CUL2: variants seen among roughly 807,000 people sequenced by gnomAD.
CUL2 encodes the protein cullin 2, also known as cullin-2.
In CUL2, 22 loss-of-function variants were observed where a neutral mutation model predicts 110.2. The observed-to-expected ratio is 0.20, with a 90% CI of 0.14 to 0.28. The LOEUF (loss-of-function observed/expected upper bound fraction) is 0.28. Among genes scored for constraint, CUL2 ranks in the 10% least tolerant of loss-of-function variants. The pLI is 1.00. For missense variants in CUL2, 631 were observed against 905.5 expected (o/e 0.70, Z 3.89); for synonymous variants, 279 against 293.2 (o/e 0.95, Z 0.49).
intron 17 of CUL2, among the ~76,000 whole-genome samples, chr10:35,024,284 G>C (rs2134682966): frequency 6.6e-6 from 1 of 152,180 alleles, no homozygotes; most frequent in Middle Eastern, 3.4e-3. Context: ...CTAATACAAT[G>C]AGCCATCACG....
intron 2 of CUL2, among the ~76,000 whole-genome samples, chr10:35,100,318 G>A (rs1019455843): frequency 2.0e-5 from 3 of 151,968 alleles, no homozygotes; most frequent in African/African-American, 7.3e-5. Flanking sequence ...AAATCTGCTG[G>A]GCCTTTTATA....
At chr10:35,074,245 T>C in intron 1 of CUL2, 1 of 1,531,274 alleles carries the variant, frequency 6.5e-7, no homozygotes, top group Non-Finnish European at 8.7e-7. Context: ...AAGTTTGTTG[T>C]TTCCTTCTAC....
At chr10:35,027,606 AG>A (rs2085368789) in intron 16 of CUL2, among the ~76,000 whole-genome samples, 2 of 152,304 alleles carry the variant, frequency 1.3e-5, no homozygotes, top group African/African-American at 4.8e-5. Context: ...AATTCTTGAT[AG>A]TTATATTTAA....
chr10:35,037,697 G>A (rs1463633041), intron 9 of CUL2, among the ~76,000 whole-genome samples: 1 of 152,052 alleles, frequency 6.6e-6, no homozygotes, highest in East Asian at 1.9e-4. Context: ...ACAAAAATTA[G>A]CCAGGTGTGG....
chr10:35,032,396 C>T (rs1023359402), intron 12 of CUL2, 39 bp downstream of exon 12: 18 of 1,539,362 alleles, frequency 1.2e-5, no homozygotes, highest in Non-Finnish European at 1.5e-5. Context: ...CTAATACTGA[C>T]TTTTCATAAG....
chr10:35,021,442 TAC>T (rs113171877), intron 17 of CUL2, among the ~76,000 whole-genome samples: 18 of 149,718 alleles, frequency 1.2e-4, no homozygotes, highest in African/African-American at 3.2e-4. Flanking sequence ...TGTATATATA[TAC>T]ACACACACAC....
chr10:35,076,995 T>C (rs1202311997), intron 1 of CUL2, among the ~76,000 whole-genome samples: 1 of 152,050 alleles, frequency 6.6e-6, no homozygotes, highest in Non-Finnish European at 1.5e-5. Context: ...GAGCTTGCAA[T>C]GAGCCGAGAT....
chr10:35,102,745 C>T (rs967959765), intron 1 of CUL2, among the ~76,000 whole-genome samples: 7 of 150,646 alleles, frequency 4.6e-5, no homozygotes, highest in African/African-American at 1.7e-4. Context: ...TAGCCGGGTG[C>T]AGTGGCAGGC....
At chr10:35,080,469 A>G (rs2086920525) in intron 1 of CUL2, among the ~76,000 whole-genome samples, 1 of 145,636 alleles carries the variant, frequency 6.9e-6, no homozygotes, top group African/African-American at 2.7e-5. Context: ...TTATTTATTT[A>G]TTTATTTATT....
rs568801813 is a variant in CUL2 at position 35,011,916 on chromosome 10, G to C, written c.2038C>G (p.Leu680Val). ...ATGATACGAACTATAGCAGCTTGGA[G>C]ATACATTTTCCGGTCCTCATCAACT... ...SAVDEDRKMY[L>V]QAAIVRIMKA... is the part of the protein sequence containing the mutation. Residue 680 changes from leucine to valine, a missense_variant, in exon 20 of 21, where the codon CTC becomes GTC. By Grantham distance (32) the Leu-to-Val change is conservative. Around this residue, in one of 3 missense-constraint regions of CUL2, gnomAD observed 159 missense variants for 202.7 expected, o/e 0.78. Coordinates refer to ENST00000374749, the MANE Select transcript of CUL2 (RefSeq NM_003591.4). 1.2e-6 allele frequency: 2 copies of C among 1,613,648 alleles called. No homozygotes were observed. Among genetic ancestry groups the C allele is most frequent in the South Asian group, 1.1e-5 (1 of 91,060 alleles).
At chr10:35,015,680 T>C (rs1227302831) in intron 18 of CUL2, among the ~76,000 whole-genome samples, 1 of 152,230 alleles carries the variant, frequency 6.6e-6, no homozygotes, top group Non-Finnish European at 1.5e-5. Flanking sequence ...AATATACTAA[T>C]GGCTTGTTAT....
chr10:35,073,633 C>T (rs552682084), intron 1 of CUL2, among the ~76,000 whole-genome samples: 175 of 143,970 alleles, frequency 1.2e-3, no homozygotes, highest in Non-Finnish European at 1.9e-3. Flanking sequence ...GATGGAGTCT[C>T]GCTGTTGTCA....
intron 1 of CUL2, among the ~76,000 whole-genome samples, chr10:35,115,663 G>T (rs1270035677): frequency 6.6e-6 from 1 of 152,166 alleles, no homozygotes; most frequent in African/African-American, 2.4e-5. Flanking sequence ...GGAGGCCAAG[G>T]CATGAGGATC....
chr10:35,068,712 G>C (rs375005991), intron 2 of CUL2, among the ~76,000 whole-genome samples: 2 of 152,134 alleles, frequency 1.3e-5, no homozygotes, highest in African/African-American at 4.8e-5. Context: ...AAACAATGTG[G>C]AGGGACCTGT....
chr10:35,080,888 T>C (rs920582504), intron 1 of CUL2, among the ~76,000 whole-genome samples: 3 of 150,718 alleles, frequency 2.0e-5, no homozygotes, highest in Middle Eastern at 3.4e-3. Context: ...CGGTGGGGAG[T>C]AGGGAATGTA....
intron 18 of CUL2, among the ~76,000 whole-genome samples, chr10:35,015,598 C>T (rs1020126316): frequency 5.9e-5 from 9 of 151,990 alleles, no homozygotes; most frequent in Non-Finnish European, 8.8e-5. Context: ...ACTATTTAAA[C>T]ATCTAGGATA....
intron 1 of CUL2, among the ~76,000 whole-genome samples, chr10:35,116,166 A>C (rs2087596584): frequency 6.6e-6 from 1 of 152,020 alleles, no homozygotes; most frequent in African/African-American, 2.4e-5. Flanking sequence ...AACATGGTGA[A>C]ACTCTGTCTC....
At chr10:35,045,716 CAAAAATT>C (rs1172498353) in intron 6 of CUL2, among the ~76,000 whole-genome samples, 1 of 151,314 alleles carries the variant, frequency 6.6e-6, no homozygotes, top group Admixed American at 6.6e-5. Context: ...GACCCTGTCT[CAAAAATT>C]AAAAAATAAA....
chr10:35,122,999 A>G (rs1368755591), intron 1 of CUL2, among the ~76,000 whole-genome samples: 2 of 152,192 alleles, frequency 1.3e-5, no homozygotes, highest in Non-Finnish European at 1.5e-5. Flanking sequence ...TTAGCCAGGC[A>G]TGGTGGTGCA....
Sources: allele counts gnomAD v4.1 joint callset (sites outside exome capture counted in the v4.1 genomes callset), GRCh38; gene constraint gnomAD v4.1.1; regional missense constraint gnomAD v4.1.1; transcripts MANE v1.5; gene names NCBI Gene and HGNC (gene_info 2026-07-23, HGNC 2026-07-21).